NTRK3: variants seen among roughly 807,000 people sequenced by gnomAD.
NTRK3 encodes NT-3 growth factor receptor.
Under a neutral mutation model 91.7 loss-of-function variants are expected in NTRK3, and 24 were observed. The observed-to-expected ratio is 0.26, with a 90% CI of 0.19 to 0.37. The LOEUF (loss-of-function observed/expected upper bound fraction) is 0.37, where lower values mean the gene tolerates loss of function less well. NTRK3 is among the 10% of genes least tolerant of loss of function. The pLI is 1.00. For synonymous variants in NTRK3, 483 were observed against 404.0 expected, an observed-to-expected ratio of 1.20 and a Z score of -2.34; for missense variants, 880 against 1,068.9, an observed-to-expected ratio of 0.82 and a Z score of 2.46.
intron 13 of NTRK3, among the ~76,000 whole-genome samples, chr15:88,066,098 A>T (rs772467762): frequency 6.6e-6 from 1 of 152,200 alleles, no homozygotes; most frequent in Non-Finnish European, 1.5e-5. Context: ...TCCCCTATGG[A>T]GAGATAACTG....
At position 88,241,069 on chromosome 15, in the gene NTRK3, A is replaced by T. The variant is rs2052306143; in HGVS notation, c.248+14837T>A. 6.6e-6 allele frequency among the ~76,000 whole-genome samples: 1 copy of T among 152,200 alleles called. No individual in the cohort carries two copies. Among genetic ancestry groups the T allele is most frequent in the Non-Finnish European group, 1.5e-5 (1 of 68,022 alleles). ...GGGGCTCTTGGGGACAGAGCTGAAT[A>T]AGCCTCAATGCCAGCCTTCAGGAGC... On this transcript the variant is annotated intron_variant, in intron 3 of 18. Transcript: ENST00000394480. This position sits in a 1 kb window ranked among gnomAD's most constrained non-coding sequence, Gnocchi z 4.3.
At chr15:88,014,470 T>C (rs2077092634) in intron 14 of NTRK3, among the ~76,000 whole-genome samples, 1 of 152,218 alleles carries the variant, frequency 6.6e-6, no homozygotes, top group Non-Finnish European at 1.5e-5. Flanking sequence ...TAAAAAAACT[T>C]CTATGTTCTA....
chr15:87,930,277 C>T (rs1355867001), intron 16 of NTRK3, among the ~76,000 whole-genome samples: 1 of 152,170 alleles, frequency 6.6e-6, no homozygotes, highest in Non-Finnish European at 1.5e-5. Flanking sequence ...CTTGCCTGAT[C>T]ATATCAGTCA....
exon 19 of NTRK3, chr15:87,866,428 A>AATAT (rs376980136): frequency 1.8e-5 from 3 of 163,700 alleles, no homozygotes; most frequent in East Asian, 1.2e-4. Context: ...TATATATGTA[A>AATAT]ATATATATAT....
intron 14 of NTRK3, among the ~76,000 whole-genome samples, chr15:87,968,092 T>C (rs564582565): frequency 4.6e-5 from 7 of 152,344 alleles, no homozygotes; most frequent in African/African-American, 1.7e-4. Context: ...TATGCCTTTT[T>C]TACTCTCGTG....
At position 88,235,135 on chromosome 15, in the gene NTRK3, G is replaced by A. The variant is rs575307236; in HGVS notation, c.248+20771C>T. 6.6e-5 allele frequency among the ~76,000 whole-genome samples: 10 copies of A among 152,278 alleles called. No individual in the cohort carries two copies. Among genetic ancestry groups the A allele is most frequent in the African/African-American group, 1.7e-4 (7 of 41,530 alleles). On this transcript the variant is annotated intron_variant, in intron 3 of 18. Coordinates refer to ENST00000394480, the Ensembl canonical transcript of NTRK3. This position sits in a 1 kb window ranked among gnomAD's most constrained non-coding sequence, Gnocchi z 5.2. ...AGAGCACTCTGTTGAGTACCTTCAC[G>A]GAACTTCTTACTCCTGATATGATTG...
chr15:88,173,406 T>G (rs920320541), intron 5 of NTRK3, among the ~76,000 whole-genome samples: 2 of 152,054 alleles, frequency 1.3e-5, no homozygotes, highest in Non-Finnish European at 2.9e-5. Flanking sequence ...AGGGCTGGTG[T>G]AGCCCCATGC....
chr15:88,091,017 A>G (rs575962382), intron 13 of NTRK3, among the ~76,000 whole-genome samples: 3 of 152,200 alleles, frequency 2.0e-5, no homozygotes, highest in Non-Finnish European at 4.4e-5. Context: ...TGATTTCTAA[A>G]TCTAATCCCT....
At chr15:88,144,407 G>A (rs1006165763) in intron 6 of NTRK3, among the ~76,000 whole-genome samples, 4 of 152,178 alleles carry the variant, frequency 2.6e-5, no homozygotes, top group African/African-American at 9.7e-5. Context: ...GAAAGTAGAG[G>A]AAGGGTCTTG....
chr15:87,933,328 A>G, intron 15 of NTRK3, 144 bp from the exon 16 acceptor site: 5 of 796,598 alleles, frequency 6.3e-6, no homozygotes, highest in Non-Finnish European at 7.9e-6. Flanking sequence ...ATGAAGCTCA[A>G]TCTCAACTAT....
At chr15:87,881,967 C>T (rs1250694255) in intron 17 of NTRK3, among the ~76,000 whole-genome samples, 2 of 152,208 alleles carry the variant, frequency 1.3e-5, no homozygotes, top group African/African-American at 4.8e-5. Context: ...GCGATCTCCG[C>T]TCACTGCAAC....
At chr15:88,127,294 C>G (rs2053394067) in intron 11 of NTRK3, 68 bp from the exon 12 acceptor site, 2 of 1,323,888 alleles carry the variant, frequency 1.5e-6, no homozygotes, top group Non-Finnish European at 2.2e-6. Flanking sequence ...GCCACAGTCC[C>G]TGCCCAACTC....
At chr15:88,042,455 CTG>C (rs2079733737) in intron 13 of NTRK3, among the ~76,000 whole-genome samples, 1 of 152,176 alleles carries the variant, frequency 6.6e-6, no homozygotes, top group African/African-American at 2.4e-5. Context: ...ACTCTGCCCT[CTG>C]TGGTCTCCGG....
At chr15:88,213,008 G>A (rs745672118) in intron 3 of NTRK3, among the ~76,000 whole-genome samples, 4 of 152,214 alleles carry the variant, frequency 2.6e-5, no homozygotes, top group African/African-American at 7.2e-5. Flanking sequence ...GGCACCTGAC[G>A]CCAACAGCCC....
chr15:88,141,066 G>T (rs1489488947), intron 6 of NTRK3, among the ~76,000 whole-genome samples: 4 of 152,240 alleles, frequency 2.6e-5, no homozygotes, highest in Non-Finnish European at 5.9e-5. Flanking sequence ...CAGCAGAAAG[G>T]AAGAGAGGAC....
At chr15:88,195,411 C>CA (rs2047732012) in intron 3 of NTRK3, among the ~76,000 whole-genome samples, 1 of 147,824 alleles carries the variant, frequency 6.8e-6, no homozygotes, top group South Asian at 2.1e-4. Flanking sequence ...TTTAAATAAA[C>CA]AAATTAATAA....
intron 13 of NTRK3, among the ~76,000 whole-genome samples, chr15:88,044,703 G>A (rs142596802): frequency 1.6e-4 from 25 of 152,174 alleles, no homozygotes; most frequent in Non-Finnish European, 2.6e-4. Flanking sequence ...TTTACAGTTA[G>A]CTAGAAACCA....
chr15:88,154,021 G>C (rs903801714), intron 5 of NTRK3, among the ~76,000 whole-genome samples: 7 of 140,300 alleles, frequency 5.0e-5, no homozygotes, highest in Non-Finnish European at 7.5e-5. Context: ...GAATCTGCAA[G>C]AAAAGAGTGC....
chr15:88,007,537 T>C (rs79639777), intron 14 of NTRK3, among the ~76,000 whole-genome samples: 1,827 of 152,306 alleles, frequency 0.012, 29 homozygotes, highest in African/African-American at 0.041. Flanking sequence ...CTATAAGGGA[T>C]GGACAGGAGA....
Sources: gnomAD v4.1 joint callset for allele counts (sites outside exome capture counted in the v4.1 genomes callset) on GRCh38, gnomAD v4.1.1 for gene constraint, Gnocchi (gnomAD v3.1) non-coding constraint, MANE v1.5 for transcripts, NCBI Gene and HGNC (gene_info 2026-07-23, HGNC 2026-07-21) for gene names.